The following RPS6KC1 variants were observed in gnomAD, a reference collection of about 807,000 sequenced individuals.
The protein encoded by RPS6KC1 is inactive ribosomal protein S6 kinase delta-1.
In RPS6KC1, 54 loss-of-function variants were observed where a neutral mutation model predicts 103.8. That is an observed-to-expected ratio of 0.52 (90% CI 0.42 to 0.65). RPS6KC1 has a LOEUF of 0.65. RPS6KC1 is among the 30% of genes least tolerant of loss of function. The pLI is 0.00. For missense variants in RPS6KC1, 1,151 were observed against 1,253.8 expected (o/e 0.92, Z 1.24); for synonymous variants, 439 against 438.7 (o/e 1.00, Z -0.01).
the RPS6KC1 span, among the ~76,000 whole-genome samples, chr1:213,455,065 T>C: frequency 3.3e-5 from 5 of 152,252 alleles, no homozygotes; most frequent in African/African-American, 7.2e-5. Flanking sequence ...CATGTGGACA[T>C]TGAGGGGAGA....
chr1:213,834,242 C>T, the RPS6KC1 span, among the ~76,000 whole-genome samples: 11 of 152,252 alleles, frequency 7.2e-5, no homozygotes, highest in South Asian at 2.3e-3. Flanking sequence ...CCAGGCTGGT[C>T]TCAAACTCCT....
intron 13 of RPS6KC1, among the ~76,000 whole-genome samples, chr1:213,262,499 G>A (rs900210651): frequency 6.6e-6 from 1 of 152,164 alleles, no homozygotes; most frequent in African/African-American, 2.4e-5. Flanking sequence ...CGGGACAGTA[G>A]CATAAGCTTA....
the RPS6KC1 span, among the ~76,000 whole-genome samples, chr1:213,845,370 C>G: frequency 2.0e-5 from 3 of 152,160 alleles, no homozygotes; most frequent in African/African-American, 7.2e-5. Flanking sequence ...GCTTTCCTCC[C>G]TGGCCACCTC....
intron 6 of RPS6KC1, among the ~76,000 whole-genome samples, chr1:213,151,340 G>C (rs1353817371): frequency 1.6e-5 from 2 of 122,280 alleles, no homozygotes; most frequent in East Asian, 2.5e-4. Flanking sequence ...CTGGCCGGGC[G>C]GGGGGCTAAC....
At chr1:213,633,959 A>G in the RPS6KC1 span, among the ~76,000 whole-genome samples, 1 of 151,064 alleles carries the variant, frequency 6.6e-6, no homozygotes, top group African/African-American at 2.4e-5. Flanking sequence ...CTTTAAACCA[A>G]CAAAGATCAA....
At chr1:213,246,677 C>CT (rs1397359269) in intron 12 of RPS6KC1, among the ~76,000 whole-genome samples, 2 of 151,692 alleles carry the variant, frequency 1.3e-5, no homozygotes, top group East Asian at 3.9e-4. Flanking sequence ...TGTCAAAGTA[C>CT]TTTTTTTTAC....
the RPS6KC1 span, among the ~76,000 whole-genome samples, chr1:213,782,430 C>T: frequency 6.6e-6 from 1 of 152,092 alleles, no homozygotes; most frequent in South Asian, 2.1e-4. Flanking sequence ...GCTCAACCTG[C>T]ACCTGGTAAA....
chr1:213,839,513 A>G, the RPS6KC1 span, among the ~76,000 whole-genome samples: 5 of 152,308 alleles, frequency 3.3e-5, no homozygotes, highest in Non-Finnish European at 4.4e-5. Context: ...TAAGTTCATT[A>G]TGGGTTCTCA....
At chr1:213,452,253 G>A in the RPS6KC1 span, among the ~76,000 whole-genome samples, 1 of 151,634 alleles carries the variant, frequency 6.6e-6, no homozygotes. Flanking sequence ...AAACAGACTC[G>A]GGCTTTGTCT....
the RPS6KC1 span, among the ~76,000 whole-genome samples, chr1:213,754,010 A>G: frequency 6.6e-6 from 1 of 152,132 alleles, no homozygotes. Context: ...AGATGGGAGT[A>G]CATGGCAGTC....
At chr1:213,454,565 C>T in the RPS6KC1 span, among the ~76,000 whole-genome samples, 1,751 of 152,258 alleles carry the variant, frequency 0.012, 22 homozygotes, top group African/African-American at 0.036. Flanking sequence ...TTTCTTTTCC[C>T]TGGCATGTCT....
chr1:213,292,689 GACA>G, the RPS6KC1 span, among the ~76,000 whole-genome samples: 11 of 152,116 alleles, frequency 7.2e-5, no homozygotes, highest in Non-Finnish European at 1.5e-4. Flanking sequence ...ACTTATGATA[GACA>G]GTGATTTTCT....
chr1:213,481,676 T>C, the RPS6KC1 span, among the ~76,000 whole-genome samples: 1 of 152,228 alleles, frequency 6.6e-6, no homozygotes, highest in Admixed American at 6.5e-5. Context: ...GGTCTAGATC[T>C]TTTAAGTAGA....
intron 4 of RPS6KC1, among the ~76,000 whole-genome samples, chr1:213,116,686 G>A (rs918185481): frequency 6.6e-6 from 1 of 151,786 alleles, no homozygotes; most frequent in African/African-American, 2.4e-5. Flanking sequence ...TGCAGTGGCT[G>A]GTACCAGTTG....
the RPS6KC1 span, among the ~76,000 whole-genome samples, chr1:213,823,752 A>ACACACACACACACACC: frequency 1.4e-5 from 2 of 147,248 alleles, no homozygotes; most frequent in African/African-American, 5.0e-5. Context: ...ACACACACAC[A>ACACACACACACACACC]CCACACCACA....
chr1:213,765,904 C>G, the RPS6KC1 span, among the ~76,000 whole-genome samples: 9,540 of 152,180 alleles, frequency 0.063, 371 homozygotes, highest in Middle Eastern at 0.16. Flanking sequence ...TTAATTTAAA[C>G]CAAGTGATGA....
chr1:213,444,258 A>G, the RPS6KC1 span, among the ~76,000 whole-genome samples: 4 of 152,166 alleles, frequency 2.6e-5, no homozygotes, highest in Non-Finnish European at 5.9e-5. Context: ...TGATGGCTTC[A>G]TCTTACTTGA....
intron 12 of RPS6KC1, among the ~76,000 whole-genome samples, chr1:213,252,510 T>C (rs2094563372): frequency 6.6e-6 from 1 of 152,208 alleles, no homozygotes; most frequent in Admixed American, 6.5e-5. Flanking sequence ...CCAGCTGCCT[T>C]TCTGATAGTA....
At chr1:213,748,245 G>A in the RPS6KC1 span, among the ~76,000 whole-genome samples, 1 of 152,112 alleles carries the variant, frequency 6.6e-6, no homozygotes, top group Non-Finnish European at 1.5e-5. Context: ...ACCTGAGAGG[G>A]GACTTCCAGA....
Sources: allele counts gnomAD v4.1 joint callset (sites outside exome capture counted in the v4.1 genomes callset), GRCh38; gene constraint gnomAD v4.1.1; transcripts MANE v1.5; gene names NCBI Gene and HGNC (gene_info 2026-07-23, HGNC 2026-07-21).